Variants in USH2A observed in about 807,000 individuals in gnomAD.
USH2A encodes the protein usherin.
In USH2A, 443 loss-of-function variants were observed where a neutral mutation model predicts 538.9. That is an observed-to-expected ratio of 0.82 (90% CI 0.76 to 0.89). USH2A has a LOEUF of 0.89. Ranked by LOEUF, USH2A falls within the 40% of genes least tolerant of loss-of-function variation. USH2A has a pLI of 0.00. For synonymous variants in USH2A, 2,413 were observed against 2,273.5 expected (o/e 1.06, Z -1.75); for missense variants, 6,633 against 6,324.8 (o/e 1.05, Z -1.65).
intron 61 of USH2A, among the ~76,000 whole-genome samples, chr1:215,723,100 T>A (rs1287669133): frequency 6.6e-6 from 1 of 152,234 alleles, no homozygotes; most frequent in East Asian, 1.9e-4. Context: ...TAAGGCCTTC[T>A]AATTAAAGCT....
At chr1:216,308,071 G>C (rs528383880) in intron 9 of USH2A, among the ~76,000 whole-genome samples, 1 of 152,222 alleles carries the variant, frequency 6.6e-6, no homozygotes, top group Admixed American at 6.5e-5. Flanking sequence ...CTGTCCGAGG[G>C]GGAGCTGCAA....
chr1:215,876,516 G>A (rs1340536589), intron 43 of USH2A, among the ~76,000 whole-genome samples: 5 of 152,198 alleles, frequency 3.3e-5, no homozygotes, highest in African/African-American at 1.2e-4. Context: ...GGCACTATGT[G>A]CTGGTATGTG....
intron 44 of USH2A, among the ~76,000 whole-genome samples, chr1:215,847,721 T>C (rs539012407): frequency 6.6e-6 from 1 of 152,122 alleles, no homozygotes; most frequent in East Asian, 1.9e-4. Context: ...TTTCTCCTTA[T>C]GGCTATTGAA....
At chr1:215,733,697 C>T (rs561803536) in intron 60 of USH2A, among the ~76,000 whole-genome samples, 1 of 152,286 alleles carries the variant, frequency 6.6e-6, no homozygotes, top group East Asian at 1.9e-4. Context: ...CAGAAAGGGC[C>T]TATAGGGCCC....
chr1:215,741,281 TC>T (rs1660292323), intron 60 of USH2A, 93 bp downstream of exon 60: 30 of 1,423,978 alleles, frequency 2.1e-5, no homozygotes, highest in Non-Finnish European at 2.8e-5. Context: ...TCCCATTCAT[TC>T]TCTTATGGAA....
chr1:215,658,095 C>T (rs556857665), intron 64 of USH2A, among the ~76,000 whole-genome samples: 37 of 151,824 alleles, frequency 2.4e-4, no homozygotes, highest in Non-Finnish European at 3.2e-4. Context: ...CCACCCCGCC[C>T]GGCTAATTTT....
At chr1:216,337,500 T>A (rs2037996304) in intron 4 of USH2A, among the ~76,000 whole-genome samples, 1 of 151,390 alleles carries the variant, frequency 6.6e-6, no homozygotes, top group Admixed American at 6.6e-5. Context: ...ATACATAATA[T>A]ACAAGTAGAA....
Position 215,647,732 on chromosome 1 carries a change from TAA to T in USH2A, c.14583-4_14583-3del. On this transcript the variant is annotated splice_region_variant and splice_polypyrimidine_tract_variant and intron_variant, in intron 66 of 71. Coordinates refer to ENST00000307340, the MANE Select transcript of USH2A (RefSeq NM_206933.4). ...GCCACGTGGAATTGGAGTTCATAGC[TAA>T]AATGAGAATGGATACGTAGAGTCAA... The T allele has an allele frequency of 6.2e-7, 1 of 1,614,148 alleles. No homozygotes were observed. The highest frequency in any genetic ancestry group is 8.5e-7 in the Non-Finnish European group (1 of 1,179,988).
intron 11 of USH2A, 112 bp from the exon 12 acceptor site, chr1:216,251,210 C>G (rs2036155261): frequency 9.5e-7 from 1 of 1,048,076 alleles, no homozygotes; most frequent in Non-Finnish European, 1.4e-6. Context: ...GTTCAACAGA[C>G]AAGAAGGTAA....
At chr1:215,846,171 A>G in intron 44 of USH2A, 138 bp from the exon 45 acceptor site, 1 of 785,532 alleles carries the variant, frequency 1.3e-6, no homozygotes, top group South Asian at 1.6e-5. Flanking sequence ...AAAAAAGCTT[A>G]TGAGATCTCC....
At chr1:216,307,615 A>C (rs924376850) in intron 9 of USH2A, among the ~76,000 whole-genome samples, 4 of 152,176 alleles carry the variant, frequency 2.6e-5, no homozygotes, top group Non-Finnish European at 4.4e-5. Flanking sequence ...GTTGGCATTC[A>C]GTCGAAATTG....
chr1:215,843,669 A>G (rs1382611473), intron 46 of USH2A, among the ~76,000 whole-genome samples: 1 of 152,202 alleles, frequency 6.6e-6, no homozygotes, highest in Non-Finnish European at 1.5e-5. Flanking sequence ...GCTCTCACAT[A>G]TGCGGAGAAC....
At chr1:216,283,384 C>T (rs536574618) in intron 11 of USH2A, among the ~76,000 whole-genome samples, 1 of 152,336 alleles carries the variant, frequency 6.6e-6, no homozygotes, top group Non-Finnish European at 1.5e-5. Context: ...GCCACCGCGC[C>T]CAGCCTGAAT....
intron 61 of USH2A, among the ~76,000 whole-genome samples, chr1:215,682,745 A>T (rs1658279490): frequency 1.0e-5 from 1 of 95,272 alleles, no homozygotes; most frequent in Non-Finnish European, 2.3e-5. Context: ...AACCTGGTCT[A>T]CATGTATCTA....
At chr1:215,826,805 T>C (rs1269511308) in intron 47 of USH2A, among the ~76,000 whole-genome samples, 1 of 152,098 alleles carries the variant, frequency 6.6e-6, no homozygotes, top group Non-Finnish European at 1.5e-5. Flanking sequence ...AATGGTTATA[T>C]AAACTTAAAC....
At chr1:215,922,473 G>C (rs1347080445) in intron 38 of USH2A, among the ~76,000 whole-genome samples, 2 of 152,082 alleles carry the variant, frequency 1.3e-5, no homozygotes, top group Non-Finnish European at 2.9e-5. Context: ...GAGCATGGAG[G>C]CCTATTATAC....
At chr1:216,336,827 A>C (rs905931158) in intron 4 of USH2A, among the ~76,000 whole-genome samples, 1 of 151,522 alleles carries the variant, frequency 6.6e-6, no homozygotes, top group Non-Finnish European at 1.5e-5. Context: ...TTACAGGAAA[A>C]TTCTTTGTGA....
chr1:216,197,679 T>C (rs1316127772), intron 18 of USH2A, among the ~76,000 whole-genome samples: 1 of 152,174 alleles, frequency 6.6e-6, no homozygotes, highest in Non-Finnish European at 1.5e-5. Context: ...GTATTTTTTT[T>C]CTTAAAGGCT....
At chr1:215,783,606 C>T (rs892032887) in intron 52 of USH2A, among the ~76,000 whole-genome samples, 1 of 152,172 alleles carries the variant, frequency 6.6e-6, no homozygotes, top group Non-Finnish European at 1.5e-5. Context: ...TCATGTGATT[C>T]AGTTGTGTCC....
Sources: gnomAD v4.1 joint callset for allele counts (sites outside exome capture counted in the v4.1 genomes callset) on GRCh38, gnomAD v4.1.1 for gene constraint, MANE v1.5 for transcripts, NCBI Gene and HGNC (gene_info 2026-07-23, HGNC 2026-07-21) for gene names.